SEMA6D: variants seen among roughly 807,000 people sequenced by gnomAD.
The protein encoded by SEMA6D is semaphorin-6D.
SEMA6D carries 35 observed loss-of-function variants against 106.6 expected under a neutral mutation model. The observed-to-expected ratio is 0.33, with a 90% CI of 0.25 to 0.44. The LOEUF is 0.44. Ranked by LOEUF, SEMA6D falls within the 20% of genes least tolerant of loss-of-function variation. The probability of loss-of-function intolerance (pLI) is 1.00; values close to 1 mark genes in which losing one functional copy is unlikely to be tolerated. For missense variants in SEMA6D, 1,185 were observed against 1,345.9 expected, an observed-to-expected ratio of 0.88 and a Z score of 1.87; for synonymous variants, 499 against 487.7, an observed-to-expected ratio of 1.02 and a Z score of -0.31.
chr15:47,371,711 A>C (rs890910800), intron 1 of SEMA6D, among the ~76,000 whole-genome samples: 1 of 152,202 alleles, frequency 6.6e-6, no homozygotes, highest in African/African-American at 2.4e-5. Context: ...GAGCCATTAA[A>C]AAAAATCTGG....
intron 1 of SEMA6D, among the ~76,000 whole-genome samples, chr15:47,408,237 T>G (rs1595923307): frequency 6.6e-6 from 1 of 152,290 alleles, no homozygotes; most frequent in East Asian, 1.9e-4. Flanking sequence ...TGTAGCTGTT[T>G]GACCTGGTTT....
At chr15:47,546,005 C>G (rs914642032) in intron 3 of SEMA6D, among the ~76,000 whole-genome samples, 5 of 152,230 alleles carry the variant, frequency 3.3e-5, no homozygotes, top group African/African-American at 1.2e-4. Context: ...CTGCCTGAAG[C>G]TCTCACACCA....
intron 3 of SEMA6D, among the ~76,000 whole-genome samples, chr15:47,487,880 T>C (rs1317017691): frequency 6.6e-6 from 1 of 152,166 alleles, no homozygotes; most frequent in Admixed American, 6.6e-5. Flanking sequence ...TTACCTTATT[T>C]ATTTTTCTTT....
intron 1 of SEMA6D, among the ~76,000 whole-genome samples, chr15:47,308,833 A>G (rs1566988058): frequency 6.6e-6 from 1 of 152,220 alleles, no homozygotes; most frequent in Non-Finnish European, 1.5e-5. Flanking sequence ...CAGTAGCTAA[A>G]ATCAAATAAG....
chr15:47,670,603 A>T (rs2078118718), intron 4 of SEMA6D, among the ~76,000 whole-genome samples: 1 of 152,244 alleles, frequency 6.6e-6, no homozygotes, highest in South Asian at 2.1e-4. Flanking sequence ...TGTGATGAGC[A>T]CAAGAAAAAT....
At chr15:47,238,789 C>T (rs532151884) in intron 1 of SEMA6D, among the ~76,000 whole-genome samples, 70 of 152,104 alleles carry the variant, frequency 4.6e-4, no homozygotes, top group East Asian at 1.6e-3. Flanking sequence ...TCAGAGTGGC[C>T]GACAAGTCAT....
At chr15:47,209,424 G>C (rs1443019281) in intron 1 of SEMA6D, among the ~76,000 whole-genome samples, 2 of 152,132 alleles carry the variant, frequency 1.3e-5, no homozygotes, top group African/African-American at 2.4e-5. Flanking sequence ...GAGGAGTTTT[G>C]ACCATTTTTG....
intron 1 of SEMA6D, among the ~76,000 whole-genome samples, chr15:47,281,631 C>A (rs2035123162): frequency 6.6e-6 from 1 of 152,064 alleles, no homozygotes; most frequent in Admixed American, 6.6e-5. Context: ...TCTCAATGGT[C>A]TTTACATTTT....
At chr15:47,273,364 G>T (rs2034648032) in intron 1 of SEMA6D, among the ~76,000 whole-genome samples, 1 of 152,072 alleles carries the variant, frequency 6.6e-6, no homozygotes, top group African/African-American at 2.4e-5. Flanking sequence ...GAGACTACCT[G>T]GGTTTGGGTA....
At chr15:47,483,590 C>G (rs1559676) in intron 3 of SEMA6D, among the ~76,000 whole-genome samples, 40,507 of 151,922 alleles carry the variant, frequency 0.27, 6,027 homozygotes, top group East Asian at 0.48. Context: ...ATTACAGTAC[C>G]AGGATGTGAT....
chr15:47,602,131 T>G (rs1411394923), intron 4 of SEMA6D, among the ~76,000 whole-genome samples: 1 of 152,182 alleles, frequency 6.6e-6, no homozygotes, highest in Non-Finnish European at 1.5e-5. Flanking sequence ...CAAACCTGCT[T>G]TAGAGGAGTA....
chr15:47,588,992 G>A (rs1016624956), intron 3 of SEMA6D, among the ~76,000 whole-genome samples: 1 of 152,088 alleles, frequency 6.6e-6, no homozygotes. Context: ...AACATCGTAC[G>A]GTGCACAGAA....
intron 1 of SEMA6D, among the ~76,000 whole-genome samples, chr15:47,746,788 G>A (rs1182910189): frequency 6.6e-6 from 1 of 152,126 alleles, no homozygotes; most frequent in Non-Finnish European, 1.5e-5. Context: ...CCTTTGTCTA[G>A]AATGGCTCCT....
rs776410250 is a variant in SEMA6D, at chr15:47,762,155, A to G, written c.539-45A>G. ...CACGCTGCCAAAGCTAACACACTGC[A>G]GGATAATTATGGTTATCTTACCAAA... On this transcript the variant is annotated intron_variant, in intron 7 of 18. Coordinates refer to ENST00000536845, the MANE Select transcript of SEMA6D (RefSeq NM_001358351.3). 15 of 1,611,760 alleles carry G rather than the reference A, an allele frequency of 9.3e-6. No homozygotes were observed. In the East Asian group the frequency reaches 3.3e-4, roughly 36 times the overall value.
intron 3 of SEMA6D, among the ~76,000 whole-genome samples, chr15:47,489,487 G>A (rs1244674348): frequency 6.6e-6 from 1 of 152,038 alleles, no homozygotes; most frequent in African/African-American, 2.4e-5. Context: ...AAAATCTTGG[G>A]GTGGATACAG....
At chr15:47,732,831 A>G (rs192208565) in intron 1 of SEMA6D, among the ~76,000 whole-genome samples, 2 of 152,214 alleles carry the variant, frequency 1.3e-5, no homozygotes, top group Non-Finnish European at 1.5e-5. Context: ...AAATGCTACA[A>G]AAATGTAGGC....
intron 3 of SEMA6D, among the ~76,000 whole-genome samples, chr15:47,518,273 C>A (rs1208456121): frequency 3.3e-5 from 5 of 152,082 alleles, no homozygotes; most frequent in African/African-American, 1.2e-4. Context: ...GATATTTAAG[C>A]TAGAGAAACA....
chr15:47,447,392 A>G (rs970924572), intron 2 of SEMA6D, among the ~76,000 whole-genome samples: 2 of 152,106 alleles, frequency 1.3e-5, no homozygotes, highest in African/African-American at 2.4e-5. Flanking sequence ...TCTGTCACCA[A>G]TGGCCAATGA....
intron 2 of SEMA6D, among the ~76,000 whole-genome samples, chr15:47,460,054 A>G (rs189307336): frequency 6.6e-4 from 100 of 151,992 alleles, no homozygotes; most frequent in Non-Finnish European, 1.2e-3. Flanking sequence ...AAAAATGCCT[A>G]TTTTCTAGGT....
Sources: gnomAD v4.1 joint callset for allele counts (sites outside exome capture counted in the v4.1 genomes callset) on GRCh38, gnomAD v4.1.1 for gene constraint, MANE v1.5 for transcripts, NCBI Gene and HGNC (gene_info 2026-07-23, HGNC 2026-07-21) for gene names.